Variants in GOLGB1 observed in about 807,000 individuals in gnomAD.
GOLGB1 encodes golgin B1.
In GOLGB1, 174 loss-of-function variants were observed where a neutral mutation model predicts 336.9. The ratio of observed to expected loss-of-function variants is 0.52; its 90% CI spans 0.46 to 0.59. The LOEUF is 0.59. Ranked by LOEUF, GOLGB1 falls within the 20% of genes least tolerant of loss-of-function variation. The pLI, the probability that GOLGB1 is intolerant of heterozygous loss-of-function variation, is 0.00. For synonymous variants in GOLGB1, 1,208 were observed against 1,289.2 expected (o/e 0.94, Z 1.35); for missense variants, 3,331 against 3,645.3 (o/e 0.91, Z 2.22).
chr3:121,664,548 G>A lies in GOLGB1; in HGVS notation c.9727C>T (p.Leu3243Phe), dbSNP rs1297986932. 1.5e-5 allele frequency: 24 copies of A among 1,613,066 alleles called. No homozygotes were observed. Among genetic ancestry groups the A allele is most frequent in the Non-Finnish European group, 1.9e-5 (22 of 1,179,088 alleles). ...SLCHSRTRVPLLAAIYFLMIH... is the reference protein window; with the variant it reads ...SLCHSRTRVPFLAAIYFLMIH... ...ATTAGAAAGTAGATGGCTGCTAGAA[G>A]TGGCACTCGGGTCCGTGAATGACAG... The change falls in exon 22 of 22, where the codon CTT becomes TTT. Residue 3243 changes from leucine to phenylalanine, a missense_variant. Leu to Phe is a conservative substitution (Grantham distance 22). Transcript: ENST00000614479.
At position 121,694,527 on chromosome 3, in the gene GOLGB1, A is replaced by G; in HGVS notation, c.5996T>C (p.Ile1999Thr). Residue 1999 changes from isoleucine (I) to threonine (T), a missense_variant, in exon 13 of 22, where the codon ATA (isoleucine) becomes ACA (threonine). Transcript: ENST00000614479. The part of the protein sequence containing the change: ...SEIRKEYLEK[I>T]QGAQKEPGNK... ...TCCGGGTTCTTTCTGAGCACCTTGT[A>G]TTTTCTCCAAATATTCCTTTCGTAT... 6 of 1,612,276 alleles carry G rather than the reference A, an allele frequency of 3.7e-6. No individual in the cohort carries two copies. Among genetic ancestry groups the G allele is most frequent in the Non-Finnish European group, 5.1e-6 (6 of 1,179,828 alleles).
chr3:121,677,361 T>C lies in GOLGB1; in HGVS notation c.8963A>G (p.His2988Arg), dbSNP rs1940542675. 1 of 1,603,994 alleles carries C rather than the reference T, an allele frequency of 6.2e-7. No individual in the cohort carries two copies. Among genetic ancestry groups the C allele is most frequent in the African/African-American group, 1.3e-5 (1 of 74,698 alleles). The change falls in exon 16 of 22, where the codon CAT (histidine) becomes CGT (arginine). Residue 2988 changes from histidine to arginine, a missense_variant. Coordinates refer to ENST00000614479, the MANE Select transcript of GOLGB1 (RefSeq NM_001366282.2). ...AISDKDQQLS[H>R]LQNLIRELRS... Reference sequence around the variant, plus strand: ...CAATTCCCTTATAAGATTCTGCAGATGACTGAGCTGCTGATCTTTATCTGA... The same window carrying C: ...CAATTCCCTTATAAGATTCTGCAGACGACTGAGCTGCTGATCTTTATCTGA...
intron 1 of GOLGB1, among the ~76,000 whole-genome samples, chr3:121,747,369 G>A (rs934845549): frequency 1.1e-4 from 15 of 132,270 alleles, no homozygotes; most frequent in African/African-American, 3.8e-4. Flanking sequence ...GTATATATAC[G>A]TATATGTCTA....
intron 6 of GOLGB1, among the ~76,000 whole-genome samples, chr3:121,720,911 C>T (rs1478190199): frequency 2.6e-5 from 4 of 152,180 alleles, no homozygotes; most frequent in Admixed American, 6.6e-5. Flanking sequence ...TAACCTCTTT[C>T]GCCTTCCAAA....
rs1187423473 is a variant in GOLGB1, at chr3:121,702,523, G to T, written c.1477C>A (p.Leu493Ile). 3.9e-6 allele frequency: 6 copies of T among 1,549,248 alleles called. No homozygotes were observed. Among genetic ancestry groups the T allele is most frequent in the Non-Finnish European group, 5.2e-6 (6 of 1,148,908 alleles). Residue 493 changes from leucine (L) to isoleucine (I), a missense_variant, in exon 11 of 22, where the codon CTC (leucine) becomes ATC (isoleucine). Coordinates refer to ENST00000614479, the MANE Select transcript of GOLGB1 (RefSeq NM_001366282.2). ...TCCTCCAGCTCTATAGAACTAAGGA[G>T]CAAGGCTCCCTTTTCATTCTCTAGT... is the stretch of plus-strand genomic sequence containing the variant. ...VELENEKGAL[L>I]LSSIELEELK... is the part of the protein sequence containing the mutation.
Position 121,664,288 on chromosome 3 carries a change from A to C in GOLGB1, c.*192T>G. Reference sequence around the variant, plus strand: ...CGTTCAGGCTCAGGGCAGTAGAAGAAAGCAGACTCGCCAGTCCCTGCAGCT... The same window carrying C: ...CGTTCAGGCTCAGGGCAGTAGAAGACAGCAGACTCGCCAGTCCCTGCAGCT... On this transcript the variant is annotated 3_prime_UTR_variant, in exon 22 of 22. Coordinates refer to ENST00000614479, the MANE Select transcript of GOLGB1 (RefSeq NM_001366282.2). The C allele has an allele frequency of 3.3e-6, 2 of 606,234 alleles. No homozygotes were observed. Among genetic ancestry groups the C allele is most frequent in the Non-Finnish European group, 3.0e-6 (1 of 335,632 alleles). 37.6% of individuals were successfully genotyped at this position (606,234 alleles called of 1,614,324 possible).
intron 17 of GOLGB1, among the ~76,000 whole-genome samples, chr3:121,675,812 G>A (rs1439836242): frequency 6.6e-6 from 1 of 152,102 alleles, no homozygotes; most frequent in Non-Finnish European, 1.5e-5. Context: ...ATTTATTAAT[G>A]GTCCTGAATT....
At chr3:121,727,709 T>G (rs1945783902) in intron 4 of GOLGB1, among the ~76,000 whole-genome samples, 1 of 151,978 alleles carries the variant, frequency 6.6e-6, no homozygotes, top group Non-Finnish European at 1.5e-5. Context: ...TAGACTGAGA[T>G]TCTGCCTCTT....
rs759107644 is a variant in GOLGB1, at chr3:121,702,528, G to T, written c.1472C>A (p.Ala491Asp). 2 of 1,549,886 alleles carry T rather than the reference G, an allele frequency of 1.3e-6. No homozygotes were observed. Among genetic ancestry groups the T allele is most frequent in the Non-Finnish European group, 1.7e-6 (2 of 1,148,892 alleles). Residue 491 changes from alanine to aspartate, a missense_variant, in exon 11 of 22, where the codon GCC (alanine) becomes GAC (aspartate). Ala to Asp is a moderately radical substitution (Grantham distance 126, BLOSUM62 -2). Transcript: ENST00000614479. ...CAGCTCTATAGAACTAAGGAGCAAGGCTCCCTTTTCATTCTCTAGTTCTAC... is the reference window on the plus strand; with the variant it reads ...CAGCTCTATAGAACTAAGGAGCAAGTCTCCCTTTTCATTCTCTAGTTCTAC... ...RVVELENEKG[A>D]LLLSSIELEE... is the part of the protein sequence containing the mutation.
At chr3:121,666,760 A>T (rs1324683700) in intron 20 of GOLGB1, among the ~76,000 whole-genome samples, 3 of 152,228 alleles carry the variant, frequency 2.0e-5, no homozygotes, top group Non-Finnish European at 4.4e-5. Context: ...CCTGCTTTTA[A>T]CGATATTTTC....
Position 121,695,666 on chromosome 3 carries a change from C to A in GOLGB1, c.4857G>T (p.Glu1619Asp). Residue 1619 changes from glutamate to aspartate, a missense_variant, in exon 13 of 22, where the codon GAG becomes GAT. Transcript: ENST00000614479. ...WQEKHKELQK[E>D]YEILLQSYEN... ...CATAGGACTGCAGAAGAATTTCATA[C>A]TCTTTTTGTAGCTCCTTGTGTTTCT... 6.2e-7 allele frequency: 1 copy of A among 1,612,966 alleles called. No homozygotes were observed. The highest frequency in any genetic ancestry group is 8.5e-7 in the Non-Finnish European group (1 of 1,179,988).
At chr3:121,716,132 T>C (rs985216815) in intron 9 of GOLGB1, among the ~76,000 whole-genome samples, 9 of 152,210 alleles carry the variant, frequency 5.9e-5, no homozygotes, top group African/African-American at 2.2e-4. Context: ...GGGAAGAGGA[T>C]TGGTGAGATG....
At chr3:121,732,651 A>G (rs1041993480) in intron 1 of GOLGB1, among the ~76,000 whole-genome samples, 1 of 152,256 alleles carries the variant, frequency 6.6e-6, no homozygotes, top group African/African-American at 2.4e-5. Flanking sequence ...AGCATTTGAC[A>G]CATTTCAATA....
intron 3 of GOLGB1, among the ~76,000 whole-genome samples, chr3:121,729,637 G>A (rs1441632097): frequency 4.0e-5 from 6 of 151,750 alleles, no homozygotes; most frequent in African/African-American, 7.3e-5. Flanking sequence ...GGCTGATCTC[G>A]AACTCCTGGC....
chr3:121,683,893 G>T (rs766222799), intron 14 of GOLGB1, among the ~76,000 whole-genome samples: 7 of 151,994 alleles, frequency 4.6e-5, no homozygotes, highest in Non-Finnish European at 1.0e-4. Flanking sequence ...ACTTTGGGGG[G>T]CCGAGGTGGG....
chr3:121,676,629 G>C (rs191151359), intron 17 of GOLGB1, among the ~76,000 whole-genome samples: 7 of 152,316 alleles, frequency 4.6e-5, no homozygotes, highest in Admixed American at 4.6e-4. Flanking sequence ...AGGTCAGGGG[G>C]AAGGCTTCCT....
rs1213240937 is a variant in GOLGB1, at chr3:121,695,184, G to A, written c.5339C>T (p.Ala1780Val). 1.2e-6 allele frequency: 2 copies of A among 1,613,412 alleles called. No individual in the cohort carries two copies. The highest frequency in any genetic ancestry group is 1.7e-5 in the Admixed American group (1 of 59,976). ...CGTTTGGTTATCATGTTTCTCGGTG[G>A]CCTCTAGGTTAGCTTGTTTAGATAC... Reference protein sequence around the residue: ...GNVSKQANLEATEKHDNQTNV... With the variant: ...GNVSKQANLEVTEKHDNQTNV... Residue 1780 changes from alanine (A) to valine (V), a missense_variant, in exon 13 of 22, where the codon GCC (alanine) becomes GTC (valine). Transcript: ENST00000614479.
At position 121,695,287 on chromosome 3, in the gene GOLGB1, TC is replaced by T. The variant is rs1942838463; in HGVS notation, c.5235del (p.Lys1746SerfsTer5). 1 of 1,613,772 alleles carries T rather than the reference TC, an allele frequency of 6.2e-7. No homozygotes were observed. The highest frequency in any genetic ancestry group is 8.5e-7 in the Non-Finnish European group (1 of 1,179,844). On this transcript the variant is annotated frameshift_variant, in exon 13 of 22. Coordinates refer to ENST00000614479, the MANE Select transcript of GOLGB1 (RefSeq NM_001366282.2). LOFTEE classifies it high-confidence loss of function. ...RVKMEYETLS[K>X]KFQSLMSEKD... ...TTCTCAGACATTAAAGACTGAAACT[TC>T]TTAGAAAGGGTTTCATACTCCATTT...
chr3:121,699,778 C>G, intron 12 of GOLGB1, 34 bp downstream of exon 12: 1 of 1,263,704 alleles, frequency 7.9e-7, no homozygotes, highest in Non-Finnish European at 1.1e-6. Flanking sequence ...TAATCTAGCT[C>G]ATGTTCTGGT....
Sources: allele counts gnomAD v4.1 joint callset (sites outside exome capture counted in the v4.1 genomes callset), GRCh38; gene constraint gnomAD v4.1.1; transcripts MANE v1.5; gene names NCBI Gene and HGNC (gene_info 2026-07-23, HGNC 2026-07-21).